Variants in FCGR2B observed in about 807,000 individuals in gnomAD.
The protein encoded by FCGR2B is Fc gamma receptor IIb, also known as low affinity immunoglobulin gamma Fc region receptor II-b.
In FCGR2B, 18 loss-of-function variants were observed where a neutral mutation model predicts 24.8. The ratio of observed to expected loss-of-function variants is 0.73; its 90% confidence interval spans 0.50 to 1.08. The LOEUF is 1.08. FCGR2B is among the 50% of genes least tolerant of loss of function. The probability of loss-of-function intolerance (pLI) is 0.00; values close to 1 mark genes in which losing one functional copy is unlikely to be tolerated. For synonymous variants in FCGR2B, 79 were observed against 109.8 expected (o/e 0.72, Z 1.75); for missense variants, 215 against 297.6 (o/e 0.72, Z 2.04).
rs1427660934 is a variant in FCGR2B, at chr1:161,678,039, A to T, written c.*486A>T. ...AAGATCATATATTACTTTTATAATA[A>T]AACATTATAAAAACAACATTCTGTT... is the stretch of plus-strand genomic sequence containing the variant. On this transcript the variant is annotated 3_prime_UTR_variant, in exon 8 of 8. Transcript: ENST00000358671. 1 of 216,060 alleles carries T rather than the reference A, an allele frequency of 4.6e-6. No individual in the cohort carries two copies. Among genetic ancestry groups the T allele is most frequent in the Non-Finnish European group, 9.3e-6 (1 of 107,282 alleles). The allele number at this position is 216,060 out of a possible 1,614,324, so 13.4% of individuals were successfully genotyped here. A position where few individuals can be genotyped will look rare whatever the true frequency, so the allele number is the denominator to read the frequency against.
chr1:161,671,444 C>G lies in FCGR2B; in HGVS notation c.186C>G (p.Leu62=). The G allele has an allele frequency of 6.2e-7, 1 of 1,614,220 alleles. No homozygotes were observed. The highest frequency in any genetic ancestry group is 8.5e-7 in the Non-Finnish European group (1 of 1,180,042). Residue 62 remains leucine, a synonymous_variant, in exon 3 of 8, where the codon CTC becomes CTG. Transcript: ENST00000358671. ...LKLEPQWINV[L]QEDSVTLTCR... ...TCGAGCCCCAGTGGATCAACGTGCT[C>G]CAGGAGGACTCTGTGACTCTGACAT... is the stretch of plus-strand genomic sequence containing the variant.
At chr1:161,676,030 G>A (rs1438747398) in intron 6 of FCGR2B, 2 of 231,824 alleles carry the variant, frequency 8.6e-6, no homozygotes, top group Non-Finnish European at 1.7e-5. Context: ...GACCTCTCAG[G>A]TCTTCTAGAT....
Position 161,677,648 on chromosome 1 carries a change from T to C in FCGR2B, c.*95T>C. 1.0e-6 allele frequency: 1 copy of C among 964,720 alleles called. No individual in the cohort carries two copies. Among genetic ancestry groups the C allele is most frequent in the Non-Finnish European group, 1.6e-6 (1 of 620,300 alleles). The allele number at this position is 964,720 out of a possible 1,614,324, so 59.8% of individuals were successfully genotyped here. A position where few individuals can be genotyped will look rare whatever the true frequency, so the allele number is the denominator to read the frequency against. ...ATTCCCCTTGGGGAGGACAGGGAGATGCTGCAGTTCCAAAAGAGAAGGTTT... is the reference window on the plus strand; with the variant it reads ...ATTCCCCTTGGGGAGGACAGGGAGACGCTGCAGTTCCAAAAGAGAAGGTTT... On this transcript the variant is annotated 3_prime_UTR_variant, in exon 8 of 8. Coordinates refer to ENST00000358671, the MANE Select transcript of FCGR2B (RefSeq NM_001394477.1).
chr1:161,661,257 A>AGAAAGAAAGAAG (rs1557895298), upstream of FCGR2B, among the ~76,000 whole-genome samples: 1 of 32,390 alleles, frequency 3.1e-5, no homozygotes. Flanking sequence ...AAAGAAAGAA[A>AGAAAGAAAGAAG]GAAAGGAAGG....
At chr1:161,649,587 C>G in the FCGR2B span, among the ~76,000 whole-genome samples, 43 of 150,634 alleles carry the variant, frequency 2.9e-4, 1 homozygote, top group African/African-American at 9.8e-4. Context: ...AAGACTGAGG[C>G]AGGATGACTA....
intron 3 of FCGR2B, 54 bp from the exon 4 acceptor site, chr1:161,672,921 C>G: frequency 6.2e-7 from 1 of 1,607,770 alleles, no homozygotes; most frequent in Non-Finnish European, 8.5e-7. Context: ...AGATCTGGGT[C>G]TCAGAGCTGA....
At chr1:161,675,362 C>G (rs547169866) in intron 6 of FCGR2B, 49 bp downstream of exon 6, 28 of 1,360,874 alleles carry the variant, frequency 2.1e-5, no homozygotes, top group Middle Eastern at 2.2e-4. Context: ...CCAGGGCTGC[C>G]GGCTGGACTG....
At chr1:161,655,843 T>TTTTATTTATTTATTTATTTATTTATTTA in the FCGR2B span, among the ~76,000 whole-genome samples, 18 of 55,586 alleles carry the variant, frequency 3.2e-4, no homozygotes, top group Non-Finnish European at 6.9e-4. Flanking sequence ...TTTCCTCAAT[T>TTTTATTTATTTATTTATTTATTTATTTA]TTTATTTATT....
chr1:161,649,049 G>T, the FCGR2B span, among the ~76,000 whole-genome samples: 1 of 150,862 alleles, frequency 6.6e-6, no homozygotes, highest in Non-Finnish European at 1.5e-5. Context: ...TCTAAAACAA[G>T]TTAATAATGC....
Position 161,677,968 on chromosome 1 carries a change from G to C in FCGR2B, c.*415G>C, listed in dbSNP as rs930858353. 5 of 230,112 alleles carry C rather than the reference G, an allele frequency of 2.2e-5. No homozygotes were observed. In the Admixed American group the frequency reaches 2.8e-4, roughly 13 times the overall value. 14.3% of individuals were successfully genotyped at this position (230,112 alleles called of 1,614,324 possible). A position where few individuals can be genotyped will look rare whatever the true frequency, so the allele number is the denominator to read the frequency against. On this transcript the variant is annotated 3_prime_UTR_variant, in exon 8 of 8. Coordinates refer to ENST00000358671, the MANE Select transcript of FCGR2B (RefSeq NM_001394477.1). Reference sequence around the variant, plus strand: ...CAGCACATTAAAAGTGATTGTTTCTGGGTGATAAAATTATTGATGATTTTT... The same window carrying C: ...CAGCACATTAAAAGTGATTGTTTCTCGGTGATAAAATTATTGATGATTTTT...
chr1:161,650,402 G>A, the FCGR2B span, among the ~76,000 whole-genome samples: 7 of 145,042 alleles, frequency 4.8e-5, 1 homozygote, highest in South Asian at 4.5e-4. Context: ...AGTGTTGGCC[G>A]GAGATAAAGA....
At chr1:161,669,338 AG>A (rs1318140321) in intron 1 of FCGR2B, among the ~76,000 whole-genome samples, 1 of 133,084 alleles carries the variant, frequency 7.5e-6, no homozygotes, top group Non-Finnish European at 1.7e-5. Flanking sequence ...TGGGAGGCTG[AG>A]GTGGGTAGAT....
At chr1:161,650,612 G>A in the FCGR2B span, among the ~76,000 whole-genome samples, 3 of 144,894 alleles carry the variant, frequency 2.1e-5, no homozygotes, top group African/African-American at 7.8e-5. Flanking sequence ...CCAAACATTG[G>A]CAAATGTCCC....
At chr1:161,649,618 C>T in the FCGR2B span, among the ~76,000 whole-genome samples, 4 of 150,554 alleles carry the variant, frequency 2.7e-5, no homozygotes, top group East Asian at 7.8e-4. Flanking sequence ...TGTTTCAGCC[C>T]TTCTGCCATT....
chr1:161,670,966 C>G (rs910811529), intron 2 of FCGR2B, among the ~76,000 whole-genome samples: 2 of 151,166 alleles, frequency 1.3e-5, no homozygotes, highest in Admixed American at 6.6e-5. Flanking sequence ...TATCTTCAGC[C>G]AGCCCCAGGG....
Position 161,671,694 on chromosome 1 carries a change from G to T in FCGR2B, c.391+45G>T, listed in dbSNP as rs536669911. The T allele has an allele frequency of 2.5e-6, 4 of 1,608,720 alleles. 1 individual carries two copies. In the South Asian group the frequency reaches 4.4e-5, roughly 18 times the overall value. ...AGGGTGGACCTGGGAGGGCCAGGAC[G>T]GATGAAATCTGCTTTCAGGCAGAGG... On this transcript the variant is annotated intron_variant, in intron 3 of 7. Coordinates refer to ENST00000358671, the MANE Select transcript of FCGR2B (RefSeq NM_001394477.1).
the FCGR2B span, among the ~76,000 whole-genome samples, chr1:161,649,906 T>C: frequency 1.3e-5 from 2 of 150,350 alleles, no homozygotes; most frequent in African/African-American, 4.9e-5. Flanking sequence ...ATGGGAATGG[T>C]AGATACATTA....
chr1:161,653,943 G>A, the FCGR2B span, among the ~76,000 whole-genome samples: 38,515 of 121,900 alleles, frequency 0.32, 5,786 homozygotes, highest in East Asian at 0.44. Flanking sequence ...TGACTTGGCT[G>A]CGTGAAGACA....
At position 161,671,963 on chromosome 1, in the gene FCGR2B, A is replaced by G. The variant is rs1375278613; in HGVS notation, c.391+314A>G. 2.1e-5 allele frequency: 10 copies of G among 467,240 alleles called. No homozygotes were observed. The South Asian group carries it at 2.4e-4, about 11-fold the overall frequency. 28.9% of individuals were successfully genotyped at this position (467,240 alleles called of 1,614,324 possible). On this transcript the variant is annotated intron_variant, in intron 3 of 7. Coordinates refer to ENST00000358671, the MANE Select transcript of FCGR2B (RefSeq NM_001394477.1). Reference sequence around the variant, plus strand: ...ATCCTAGCCCTGGAAATGACTCACTATACAACATGATGAATTCATTTAACC... The same window carrying G: ...ATCCTAGCCCTGGAAATGACTCACTGTACAACATGATGAATTCATTTAACC...
Sources: gnomAD v4.1 joint callset for allele counts (sites outside exome capture counted in the v4.1 genomes callset) on GRCh38, gnomAD v4.1.1 for gene constraint, MANE v1.5 for transcripts, NCBI Gene and HGNC (gene_info 2026-07-23, HGNC 2026-07-21) for gene names.